GRIN2A: variants seen among roughly 807,000 people sequenced by gnomAD.
The protein encoded by GRIN2A is glutamate ionotropic receptor NMDA type subunit 2A, also known as glutamate receptor ionotropic, NMDA 2A.
GRIN2A carries 22 observed loss-of-function variants against 113.4 expected under a neutral mutation model. That is an observed-to-expected ratio of 0.19 (90% CI 0.14 to 0.28). The LOEUF (loss-of-function observed/expected upper bound fraction) is 0.28. Ranked by LOEUF, GRIN2A falls within the 10% of genes least tolerant of loss-of-function variation. The probability of loss-of-function intolerance (pLI) is 1.00; values close to 1 mark genes in which losing one functional copy is unlikely to be tolerated. For synonymous variants in GRIN2A, 827 were observed against 738.4 expected, an observed-to-expected ratio of 1.12 and a Z score of -1.94; for missense variants, 1,502 against 1,887.0, an observed-to-expected ratio of 0.80 and a Z score of 3.78.
chr16:9,809,845 A>C (rs1331042322), intron 10 of GRIN2A, among the ~76,000 whole-genome samples: 2 of 152,176 alleles, frequency 1.3e-5, no homozygotes, highest in African/African-American at 4.8e-5. Context: ...AGGAGGGTGG[A>C]TCCCCTGAGG....
intron 10 of GRIN2A, among the ~76,000 whole-genome samples, chr16:9,808,058 C>T (rs960411041): frequency 1.3e-5 from 2 of 152,204 alleles, no homozygotes; most frequent in African/African-American, 4.8e-5. Context: ...TTGTACTTTT[C>T]AAGGGTTGAG....
At chr16:9,859,602 G>A (rs1271187843) in intron 4 of GRIN2A, among the ~76,000 whole-genome samples, 2 of 138,272 alleles carry the variant, frequency 1.4e-5, no homozygotes, top group African/African-American at 2.8e-5. Context: ...ACATATACTC[G>A]AACCTCTACA....
intron 4 of GRIN2A, among the ~76,000 whole-genome samples, chr16:9,871,911 A>G (rs1399573139): frequency 6.6e-6 from 1 of 152,216 alleles, no homozygotes; most frequent in African/African-American, 2.4e-5. Flanking sequence ...AGCAGAAGTT[A>G]GTAGTCAAAG....
At chr16:9,965,767 A>G (rs906280302) in intron 2 of GRIN2A, among the ~76,000 whole-genome samples, 12 of 152,182 alleles carry the variant, frequency 7.9e-5, no homozygotes, top group Non-Finnish European at 1.6e-4. Context: ...GGGGTTGACA[A>G]TCCATGGCTT....
chr16:10,017,414 C>T (rs1596421444), intron 2 of GRIN2A, among the ~76,000 whole-genome samples: 1 of 152,188 alleles, frequency 6.6e-6, no homozygotes. Flanking sequence ...GAGGGGAAAT[C>T]ATTTCTGCAC....
At chr16:10,170,549 G>C (rs1476119757) in intron 2 of GRIN2A, among the ~76,000 whole-genome samples, 20 of 152,120 alleles carry the variant, frequency 1.3e-4, no homozygotes, top group Admixed American at 1.3e-3. Flanking sequence ...TAGTTTGATG[G>C]TGACAATCAT....
At chr16:10,109,345 GAAA>G (rs35123641) in intron 2 of GRIN2A, among the ~76,000 whole-genome samples, 1 of 146,566 alleles carries the variant, frequency 6.8e-6, no homozygotes, top group Non-Finnish European at 1.5e-5. Context: ...AACATTTAAG[GAAA>G]AAAAAAAAAG....
At chr16:9,873,668 C>A (rs1055195508) in intron 4 of GRIN2A, among the ~76,000 whole-genome samples, 1 of 152,176 alleles carries the variant, frequency 6.6e-6, no homozygotes, top group African/African-American at 2.4e-5. Flanking sequence ...CAGAAGAAGG[C>A]TGAACAAGTC....
chr16:10,137,534 G>A (rs1176490627), intron 2 of GRIN2A, among the ~76,000 whole-genome samples: 1 of 152,230 alleles, frequency 6.6e-6, no homozygotes, highest in Middle Eastern at 3.4e-3. Context: ...CTTACAAAAC[G>A]GAGGACGAAG....
intron 4 of GRIN2A, among the ~76,000 whole-genome samples, chr16:9,887,260 T>C (rs930551991): frequency 1.3e-5 from 2 of 152,160 alleles, no homozygotes; most frequent in Admixed American, 6.5e-5. Flanking sequence ...CATAATTTGA[T>C]GCCTTTTGAC....
chr16:10,155,943 G>A (rs1409277541), intron 2 of GRIN2A, among the ~76,000 whole-genome samples: 2 of 152,176 alleles, frequency 1.3e-5, no homozygotes, highest in Non-Finnish European at 2.9e-5. Flanking sequence ...TTTAGGTGGG[G>A]ACACAGCCAA....
chr16:9,979,526 A>G (rs2045844424), intron 2 of GRIN2A, among the ~76,000 whole-genome samples: 1 of 152,082 alleles, frequency 6.6e-6, no homozygotes, highest in Non-Finnish European at 1.5e-5. Flanking sequence ...TTTTCTTGCT[A>G]GAGCAGGGTC....
chr16:10,075,253 C>A (rs1245257881), intron 2 of GRIN2A, among the ~76,000 whole-genome samples: 22 of 152,026 alleles, frequency 1.4e-4, no homozygotes, highest in African/African-American at 4.8e-4. Context: ...CCCTTTCATC[C>A]TGAGTTTGAG....
At chr16:9,793,018 C>T (rs747495552) in intron 11 of GRIN2A, among the ~76,000 whole-genome samples, 17 of 152,210 alleles carry the variant, frequency 1.1e-4, no homozygotes, top group African/African-American at 4.1e-4. Flanking sequence ...CCTAGACCCA[C>T]TGAAACAGTC....
At chr16:10,058,819 T>C (rs1441457514) in intron 2 of GRIN2A, among the ~76,000 whole-genome samples, 2 of 152,236 alleles carry the variant, frequency 1.3e-5, no homozygotes, top group African/African-American at 2.4e-5. Flanking sequence ...GCTAGCAATA[T>C]ACAAGGCCAA....
intron 7 of GRIN2A, among the ~76,000 whole-genome samples, chr16:9,839,495 T>C (rs1013123981): frequency 6.6e-6 from 1 of 152,224 alleles, no homozygotes; most frequent in Non-Finnish European, 1.5e-5. Context: ...TAAAATATGA[T>C]TCGATTAATT....
chr16:9,908,237 C>T lies in GRIN2A; in HGVS notation c.1008-17137G>A, dbSNP rs370003053. 2.1e-4 allele frequency among the ~76,000 whole-genome samples: 32 copies of T among 152,162 alleles called. No individual in the cohort carries two copies. The East Asian group carries it at 5.6e-3, about 27-fold the overall frequency. On this transcript the variant is annotated intron_variant, in intron 3 of 12. Transcript: ENST00000330684. ...CCCTAAAAGACTAAGCTCTGCAAGTCCCAGTCACTGCTCTGATATTCATAT... is the reference window on the plus strand; with the variant it reads ...CCCTAAAAGACTAAGCTCTGCAAGTTCCAGTCACTGCTCTGATATTCATAT...
chr16:9,754,607 A>G lies in GRIN2A; in HGVS notation c.*8542T>C, dbSNP rs886052516. The G allele has an allele frequency of 1.4e-5, 3 of 215,868 alleles. No individual in the cohort carries two copies. Among genetic ancestry groups the G allele is most frequent in the Non-Finnish European group, 2.8e-5 (3 of 107,294 alleles). 13.4% of individuals were successfully genotyped at this position (215,868 alleles called of 1,614,324 possible). A position where few individuals can be genotyped will look rare whatever the true frequency, so the allele number is the denominator to read the frequency against. On this transcript the variant is annotated 3_prime_UTR_variant, in exon 13 of 13. Transcript: ENST00000330684. ...CATTTACGTAAGTGGTCATGGCCCC[A>G]GAGCTTTTCTACAAACTTAATAAAC...
At chr16:10,132,340 CAAAA>C (rs71402435) in intron 2 of GRIN2A, among the ~76,000 whole-genome samples, 1 of 61,630 alleles carries the variant, frequency 1.6e-5, no homozygotes, top group African/African-American at 5.9e-5. Flanking sequence ...GACACCGTCT[CAAAA>C]AAAAAAAAAA....
Sources: allele counts gnomAD v4.1 joint callset (sites outside exome capture counted in the v4.1 genomes callset), GRCh38; gene constraint gnomAD v4.1.1; transcripts MANE v1.5; gene names NCBI Gene and HGNC (gene_info 2026-07-23, HGNC 2026-07-21).